Variants in RTF1 observed in about 807,000 individuals in gnomAD.
The protein encoded by RTF1 is RTF1 homolog, Paf1/RNA polymerase II complex component, also known as RNA polymerase-associated protein RTF1 homolog.
A neutral mutation model predicts 95.7 loss-of-function variants in RTF1; 10 were observed. The observed-to-expected ratio is 0.10, with a 90% CI of 0.06 to 0.18. The LOEUF is 0.18. Among genes scored for constraint, RTF1 ranks in the 10% least tolerant of loss-of-function variants. The pLI is 1.00. For missense variants in RTF1, 458 were observed against 875.6 expected (o/e 0.52, Z 6.02); for synonymous variants, 305 against 311.8 (o/e 0.98, Z 0.23).
rs763768276 is a variant in RTF1 at position 41,453,085 on chromosome 15, C to T, written c.457+37C>T. ...AGCCTAGACCTGGAAGGTCAACTCCCACTCTTGTCAGCTTGAAGGTGCAAA... is the reference window on the plus strand; with the variant it reads ...AGCCTAGACCTGGAAGGTCAACTCCTACTCTTGTCAGCTTGAAGGTGCAAA... On this transcript the variant is annotated intron_variant, in intron 3 of 17. Coordinates refer to ENST00000389629, the MANE Select transcript of RTF1 (RefSeq NM_015138.5). 3 of 1,503,180 alleles carry T rather than the reference C, an allele frequency of 2.0e-6. No individual in the cohort carries two copies. The African/African-American group carries it at 4.3e-5, about 21-fold the overall frequency. 93.1% of individuals were successfully genotyped at this position (1,503,180 alleles called of 1,614,324 possible).
intron 5 of RTF1, 77 bp from the exon 6 acceptor site, chr15:41,466,063 TA>T: frequency 1.1e-6 from 1 of 940,300 alleles, no homozygotes; most frequent in Non-Finnish European, 1.5e-6. Context: ...GTTGGAGGAC[TA>T]AATGCATTAA....
chr15:41,443,304 G>T (rs1413261153), intron 2 of RTF1, among the ~76,000 whole-genome samples: 1 of 152,090 alleles, frequency 6.6e-6, no homozygotes, highest in East Asian at 1.9e-4. Flanking sequence ...GCTTGGTGGG[G>T]GGAAACACCA....
rs561881255 is a variant in RTF1, at chr15:41,462,484, GGTT to G, written c.663-2281_663-2279del. Among the ~76,000 whole-genome samples, 80 of 152,180 alleles carry G rather than the reference GGTT, an allele frequency of 5.3e-4. 1 individual carries two copies. Among genetic ancestry groups the G allele is most frequent in the African/African-American group, 1.9e-3 (77 of 41,522 alleles). Reference sequence around the variant, plus strand: ...CTTCCTGCCTCAGCTTCCTCCTGGGGGTTGTTGTAAACCTCAAGAGAGATTATA... The same window carrying G: ...CTTCCTGCCTCAGCTTCCTCCTGGGGGTTGTAAACCTCAAGAGAGATTATA... On this transcript the variant is annotated intron_variant, in intron 4 of 17. Coordinates refer to ENST00000389629, the MANE Select transcript of RTF1 (RefSeq NM_015138.5).
chr15:41,424,942 G>T (rs1396441275), intron 1 of RTF1, among the ~76,000 whole-genome samples: 1 of 147,928 alleles, frequency 6.8e-6, no homozygotes, highest in Non-Finnish European at 1.5e-5. Flanking sequence ...CTAGGAGGCG[G>T]AGGTTGCAGT....
intron 1 of RTF1, among the ~76,000 whole-genome samples, chr15:41,418,860 T>C (rs2050585724): frequency 6.6e-6 from 1 of 151,702 alleles, no homozygotes; most frequent in East Asian, 1.9e-4. Context: ...TATTTATTTA[T>C]TTATTTTTTT....
chr15:41,419,445 T>C (rs1260076322), intron 1 of RTF1, among the ~76,000 whole-genome samples: 2 of 152,222 alleles, frequency 1.3e-5, no homozygotes, highest in Non-Finnish European at 2.9e-5. Context: ...CAGATCTGCA[T>C]GAGTACAAAG....
intron 2 of RTF1, among the ~76,000 whole-genome samples, chr15:41,446,570 T>A (rs1022790836): frequency 1.1e-4 from 7 of 65,668 alleles, no homozygotes; most frequent in Admixed American, 2.6e-4. Flanking sequence ...AAAAAAAAAA[T>A]TATTTTCATA....
intron 2 of RTF1, among the ~76,000 whole-genome samples, chr15:41,442,484 G>A (rs148056033): frequency 2.6e-5 from 4 of 151,842 alleles, no homozygotes; most frequent in Non-Finnish European, 4.4e-5. Context: ...TACGTCTTTC[G>A]TGGGTGAAAA....
At chr15:41,440,466 GGCGTGAGCCACC>G (rs2050727688) in intron 2 of RTF1, 1 of 152,170 alleles carries the variant, frequency 6.6e-6, no homozygotes, top group Non-Finnish European at 1.5e-5. Flanking sequence ...TGGGATTATA[GGCGTGAGCCACC>G]GCGCCTGGCC....
rs1410103121 is a variant in RTF1 at position 41,470,403 on chromosome 15, G to A, written c.1025+11G>A. 7 of 1,613,562 alleles carry A rather than the reference G, an allele frequency of 4.3e-6. No homozygotes were observed. The highest frequency in any genetic ancestry group is 5.9e-6 in the Non-Finnish European group (7 of 1,179,748). On this transcript the variant is annotated intron_variant, in intron 7 of 17. Transcript: ENST00000389629. ...TGATGAAGAAGAGGAGTAAGCTCTTGTACATTTTGGTCTAGTAGGCAGGAT... is the reference window on the plus strand; with the variant it reads ...TGATGAAGAAGAGGAGTAAGCTCTTATACATTTTGGTCTAGTAGGCAGGAT...
chr15:41,460,985 C>G (rs995550409), intron 4 of RTF1, among the ~76,000 whole-genome samples: 1 of 151,074 alleles, frequency 6.6e-6, no homozygotes, highest in African/African-American at 2.4e-5. Flanking sequence ...CAGTGATTCT[C>G]CTGCCTCAGC....
chr15:41,439,057 G>C (rs952676897), intron 2 of RTF1, among the ~76,000 whole-genome samples: 3 of 139,674 alleles, frequency 2.1e-5, no homozygotes, highest in African/African-American at 8.0e-5. Flanking sequence ...TTTCAAGACA[G>C]AGTCTCACTC....
At chr15:41,433,535 A>G (rs1386339433) in intron 1 of RTF1, among the ~76,000 whole-genome samples, 1 of 152,026 alleles carries the variant, frequency 6.6e-6, no homozygotes, top group African/African-American at 2.4e-5. Context: ...AGGTTTCACC[A>G]TGTTGGCCAG....
At chr15:41,460,360 T>G (rs559265773) in intron 4 of RTF1, among the ~76,000 whole-genome samples, 1 of 152,220 alleles carries the variant, frequency 6.6e-6, no homozygotes, top group Non-Finnish European at 1.5e-5. Flanking sequence ...TGACCTCAAG[T>G]GATCCACCTG....
intron 9 of RTF1, among the ~76,000 whole-genome samples, 163 bp downstream of exon 9, chr15:41,474,865 A>C (rs1322036948): frequency 6.6e-6 from 1 of 152,124 alleles, no homozygotes; most frequent in Admixed American, 6.5e-5. Context: ...CTTTGTCTAT[A>C]GGGAAGGTAG....
At chr15:41,463,544 T>C (rs2140963533) in intron 4 of RTF1, among the ~76,000 whole-genome samples, 1 of 151,926 alleles carries the variant, frequency 6.6e-6, no homozygotes, top group South Asian at 2.1e-4. Context: ...TTCAGTGGTA[T>C]GATCATGGCT....
intron 1 of RTF1, among the ~76,000 whole-genome samples, chr15:41,420,470 C>G (rs2050594974): frequency 6.6e-6 from 1 of 152,106 alleles, no homozygotes; most frequent in African/African-American, 2.4e-5. Context: ...TGGATCTTTC[C>G]TGCCCCAAAT....
intron 2 of RTF1, among the ~76,000 whole-genome samples, chr15:41,439,180 C>T (rs1210322862): frequency 2.0e-5 from 3 of 151,470 alleles, no homozygotes; most frequent in Admixed American, 2.0e-4. Flanking sequence ...TACAGGCACC[C>T]GCCACCAGGC....
intron 2 of RTF1, among the ~76,000 whole-genome samples, chr15:41,450,481 A>T (rs1006804217): frequency 4.6e-5 from 7 of 152,066 alleles, no homozygotes; most frequent in South Asian, 2.1e-4. Flanking sequence ...GCTACTCGGG[A>T]GGCTGAGGCA....
Sources: gnomAD v4.1 joint callset for allele counts (sites outside exome capture counted in the v4.1 genomes callset) on GRCh38, gnomAD v4.1.1 for gene constraint, MANE v1.5 for transcripts, NCBI Gene and HGNC (gene_info 2026-07-23, HGNC 2026-07-21) for gene names.